The following MIDEAS variants were observed in gnomAD, a reference collection of about 807,000 sequenced individuals.
MIDEAS encodes mitotic deacetylase associated SANT domain protein.
In MIDEAS, 26 loss-of-function variants were observed where a neutral mutation model predicts 102.7. That is an observed-to-expected ratio of 0.25 (90% CI 0.19 to 0.35). The LOEUF (loss-of-function observed/expected upper bound fraction) is 0.35. MIDEAS is among the 10% of genes least tolerant of loss of function. The pLI, the probability that MIDEAS is intolerant of heterozygous loss-of-function variation, is 1.00. For missense variants in MIDEAS, 1,231 were observed against 1,435.6 expected (o/e 0.86, Z 2.30); for synonymous variants, 585 against 591.0 (o/e 0.99, Z 0.15).
chr14:73,785,117 C>T (rs941164832), intron 1 of MIDEAS, among the ~76,000 whole-genome samples: 3 of 152,244 alleles, frequency 2.0e-5, no homozygotes, highest in Non-Finnish European at 2.9e-5. Flanking sequence ...CACACAGCAA[C>T]GTAGCTGGGC....
Position 73,759,439 on chromosome 14 carries a change from G to C in MIDEAS, c.-248+324C>G, listed in dbSNP as rs1483903401. Among the ~76,000 whole-genome samples, 1 of 151,276 alleles carries C rather than the reference G, an allele frequency of 6.6e-6. No homozygotes were observed. The highest frequency in any genetic ancestry group is 1.5e-5 in the Non-Finnish European group (1 of 67,786). On this transcript the variant is annotated intron_variant, in intron 1 of 12. Transcript: ENST00000423556. The surrounding 1 kb of genome is among the most constrained non-coding windows in gnomAD (Gnocchi z 6.7). ...GGCTTTCCTGGCGGGGCCGCGCCCG[G>C]GTGGGCGGGGGCCGCGCGCAAGCTG...
chr14:73,786,644 C>G (rs1259190347), intron 1 of MIDEAS, among the ~76,000 whole-genome samples: 1 of 152,216 alleles, frequency 6.6e-6, no homozygotes, highest in Non-Finnish European at 1.5e-5. Context: ...GAAGGCCAAG[C>G]AAATAAAAGT....
intron 5 of MIDEAS, 149 bp from the exon 6 acceptor site, chr14:73,727,121 G>T: frequency 9.9e-7 from 1 of 1,014,546 alleles, no homozygotes; most frequent in Non-Finnish European, 1.4e-6. Context: ...GGGCTTGGGA[G>T]GACAGCCTGA....
intron 1 of MIDEAS, among the ~76,000 whole-genome samples, chr14:73,784,831 C>A (rs1238256907): frequency 6.6e-6 from 1 of 152,252 alleles, no homozygotes. Context: ...CTTTCCAGAA[C>A]TGTCCTGATT....
At position 73,726,087 on chromosome 14, in the gene MIDEAS, G is replaced by T. The variant is rs1274055168; in HGVS notation, c.2431C>A (p.Leu811Met). Residue 811 changes from leucine (L) to methionine (M), a missense_variant, in exon 8 of 13, where the codon CTG (leucine) becomes ATG (methionine). Leu to Met is a conservative substitution (Grantham distance 15). Coordinates refer to ENST00000423556, the MANE Select transcript of MIDEAS (RefSeq NM_001367710.1). ...TTGTGGGGCCGCAGGGGCTTCTTCA[G>T]CAGCAGCTTATTCAGCGTTTCCTGG... is the stretch of plus-strand genomic sequence containing the variant. ...DILETLNKLL[L>M]KKPLRPHNHP... 2.5e-6 allele frequency: 4 copies of T among 1,596,834 alleles called. No individual in the cohort carries two copies. Among genetic ancestry groups the T allele is most frequent in the Non-Finnish European group, 3.4e-6 (4 of 1,172,608 alleles).
intron 1 of MIDEAS, among the ~76,000 whole-genome samples, chr14:73,774,004 A>G (rs11628019): frequency 0.19 from 28,262 of 144,936 alleles, 3,754 homozygotes; most frequent in Non-Finnish European, 0.27. Context: ...CCTAGGTGAC[A>G]GGGTGAGACT....
chr14:73,719,817 T>A (rs2052960263), intron 11 of MIDEAS, among the ~76,000 whole-genome samples: 1 of 91,978 alleles, frequency 1.1e-5, no homozygotes, highest in Admixed American at 1.2e-4. Flanking sequence ...ATGTTTTCTG[T>A]CATTTAGTCC....
intron 1 of MIDEAS, among the ~76,000 whole-genome samples, chr14:73,748,649 A>ATCGCAGC (rs2053382923): frequency 6.7e-6 from 1 of 149,540 alleles, no homozygotes; most frequent in Non-Finnish European, 1.5e-5. Flanking sequence ...GGCACCTGTA[A>ATCGCAGC]TCGCAGCTAC....
Position 73,725,963 on chromosome 14 carries a change from G to A in MIDEAS, c.2485+70C>T, listed in dbSNP as rs1409091151. ...CCACCCAGGGCTGTGACTCAGCACT[G>A]AGCAGGGCCCCATGGATGCTGGAGA... On this transcript the variant is annotated intron_variant, in intron 8 of 12. Coordinates refer to ENST00000423556, the MANE Select transcript of MIDEAS (RefSeq NM_001367710.1). This position sits in a 1 kb window ranked among gnomAD's most constrained non-coding sequence, Gnocchi z 4.1. 3 of 1,350,144 alleles carry A rather than the reference G, an allele frequency of 2.2e-6. No homozygotes were observed. The African/African-American group carries it at 4.3e-5, about 20-fold the overall frequency. The allele number at this position is 1,350,144 out of a possible 1,614,324, so 83.6% of individuals were successfully genotyped here.
In MIDEAS at chr14:73,742,441, G is replaced by A. The variant is rs1008368086; in HGVS notation, c.-247-2186C>T. ...CAGAAGGAGATGAGGCGGGGCCTGC[G>A]GCTCCAGGACAAGCCTGCTTCTGCC... On this transcript the variant is annotated intron_variant, in intron 1 of 12. Transcript: ENST00000423556. The surrounding 1 kb of genome is among the most constrained non-coding windows in gnomAD (Gnocchi z 4.4). 6.6e-6 allele frequency among the ~76,000 whole-genome samples: 1 copy of A among 152,176 alleles called. No homozygotes were observed. The highest frequency in any genetic ancestry group is 1.5e-5 in the Non-Finnish European group (1 of 68,014).
At position 73,755,246 on chromosome 14, in the gene MIDEAS, G is replaced by GGCTCTTCCCCACCA. The variant is rs549730995; in HGVS notation, c.-248+4503_-248+4516dup. On this transcript the variant is annotated intron_variant, in intron 1 of 12. Transcript: ENST00000423556. ...CAGGGAAGCCTCAGCCCCAAGCCCC[G>GGCTCTTCCCCACCA]GCTCTTCCCCACCAGCTCTTCCCCA... Among the ~76,000 whole-genome samples, 138 of 152,210 alleles carry GGCTCTTCCCCACCA rather than the reference G, an allele frequency of 9.1e-4. 1 individual carries two copies. Among genetic ancestry groups the GGCTCTTCCCCACCA allele is most frequent in the African/African-American group, 3.2e-3 (133 of 41,536 alleles).
chr14:73,720,920 G>T (rs1002765811), intron 11 of MIDEAS, among the ~76,000 whole-genome samples: 2 of 152,152 alleles, frequency 1.3e-5, no homozygotes, highest in Admixed American at 6.5e-5. Context: ...TCTCTTAGGG[G>T]AGCCCTGTCT....
chr14:73,727,349 G>T, intron 5 of MIDEAS, 109 bp downstream of exon 5: 1 of 1,157,540 alleles, frequency 8.6e-7, no homozygotes, highest in Non-Finnish European at 1.3e-6. Context: ...GGCCCTCTCA[G>T]CCCTCTGCAG....
chr14:73,739,655 G>A lies in MIDEAS; in HGVS notation c.354C>T (p.Asp118=), dbSNP rs2053257615. 1.2e-6 allele frequency: 2 copies of A among 1,613,786 alleles called. No homozygotes were observed. The highest frequency in any genetic ancestry group is 1.7e-5 in the Admixed American group (1 of 60,000). Residue 118 remains aspartate (D), a synonymous_variant, in exon 2 of 13, where the codon GAC becomes GAT. Transcript: ENST00000423556. ...GGCCTGGCTGCTGCTGCCAGCTGCT[G>A]TCACTGACACCCCCACCTCCTCCAC... ...PERGGGGGVS[D]SSWQQQPGQP...
At chr14:73,719,526 T>G in intron 11 of MIDEAS, 25 bp from the exon 12 acceptor site, 1 of 1,606,636 alleles carries the variant, frequency 6.2e-7, no homozygotes. Flanking sequence ...ACAAGGAGAG[T>G]TGAGTGATCT....
Position 73,725,970 on chromosome 14 carries a change from G to A in MIDEAS, c.2485+63C>T, listed in dbSNP as rs2053054382. 4 of 1,381,332 alleles carry A rather than the reference G, an allele frequency of 2.9e-6. No homozygotes were observed. The highest frequency in any genetic ancestry group is 4.0e-6 in the Non-Finnish European group (4 of 991,324). 85.6% of individuals were successfully genotyped at this position (1,381,332 alleles called of 1,614,324 possible). A position where few individuals can be genotyped will look rare whatever the true frequency, so the allele number is the denominator to read the frequency against. On this transcript the variant is annotated intron_variant, in intron 8 of 12. Coordinates refer to ENST00000423556, the MANE Select transcript of MIDEAS (RefSeq NM_001367710.1). The surrounding 1 kb of genome is among the most constrained non-coding windows in gnomAD (Gnocchi z 4.1). The stretch of plus-strand genomic sequence containing the variant: ...GGGCTGTGACTCAGCACTGAGCAGG[G>A]CCCCATGGATGCTGGAGACCTCTTG...
At chr14:73,783,499 T>C (rs1306740531) in intron 1 of MIDEAS, among the ~76,000 whole-genome samples, 3 of 152,190 alleles carry the variant, frequency 2.0e-5, no homozygotes, top group Non-Finnish European at 4.4e-5. Context: ...GGGCCCTAAC[T>C]GCCGGCCTAG....
chr14:73,756,498 C>T (rs1367125638), intron 1 of MIDEAS, among the ~76,000 whole-genome samples: 1 of 152,234 alleles, frequency 6.6e-6, no homozygotes, highest in South Asian at 2.1e-4. Context: ...AGCCCCGGCC[C>T]AGCATGCAAT....
intron 1 of MIDEAS, among the ~76,000 whole-genome samples, chr14:73,747,492 G>A (rs1199545983): frequency 6.6e-6 from 1 of 152,202 alleles, no homozygotes; most frequent in African/African-American, 2.4e-5. Context: ...AGAAAGGCTG[G>A]CTCTGAAAGT....
Sources: gnomAD v4.1 joint callset for allele counts (sites outside exome capture counted in the v4.1 genomes callset) on GRCh38, gnomAD v4.1.1 for gene constraint, Gnocchi (gnomAD v3.1) non-coding constraint, MANE v1.5 for transcripts, NCBI Gene and HGNC (gene_info 2026-07-23, HGNC 2026-07-21) for gene names.